GRID1: variants seen among roughly 807,000 people sequenced by gnomAD.
The protein encoded by GRID1 is glutamate receptor ionotropic, delta-1.
GRID1 carries 28 observed loss-of-function variants against 98.0 expected under a neutral mutation model. The observed-to-expected ratio is 0.29, with a 90% CI of 0.21 to 0.39. GRID1 has a LOEUF of 0.39. Among genes scored for constraint, GRID1 ranks in the 10% least tolerant of loss-of-function variants. The pLI, the probability that GRID1 is intolerant of heterozygous loss-of-function variation, is 1.00. For synonymous variants in GRID1, 553 were observed against 538.5 expected, an observed-to-expected ratio of 1.03 and a Z score of -0.37; for missense variants, 1,111 against 1,340.5, an observed-to-expected ratio of 0.83 and a Z score of 2.67.
At chr10:85,729,212 A>T (rs868278971) in intron 9 of GRID1, among the ~76,000 whole-genome samples, 1 of 152,102 alleles carries the variant, frequency 6.6e-6, no homozygotes. Context: ...TCCATTTTAC[A>T]TCCAAGAACA....
intron 4 of GRID1, among the ~76,000 whole-genome samples, chr10:86,091,837 GC>G (rs1391619781): frequency 6.6e-6 from 1 of 152,136 alleles, no homozygotes; most frequent in Non-Finnish European, 1.5e-5. Flanking sequence ...CCCAATACCA[GC>G]CCCGAGCCGG....
At chr10:85,603,216 T>A (rs1480516070) in intron 15 of GRID1, among the ~76,000 whole-genome samples, 2 of 152,246 alleles carry the variant, frequency 1.3e-5, no homozygotes, top group Non-Finnish European at 2.9e-5. Context: ...ACCATCAGTG[T>A]TAGAGGCAGC....
chr10:86,246,868 CTG>C (rs1315297962), intron 2 of GRID1, among the ~76,000 whole-genome samples: 1 of 152,256 alleles, frequency 6.6e-6, no homozygotes, highest in Non-Finnish European at 1.5e-5. Flanking sequence ...GTAACAATCA[CTG>C]TGATGACTGT....
At chr10:85,793,636 G>C (rs538316410) in intron 8 of GRID1, among the ~76,000 whole-genome samples, 1 of 152,112 alleles carries the variant, frequency 6.6e-6, no homozygotes, top group Admixed American at 6.5e-5. Context: ...TCTCTGCTAC[G>C]CTCACTGATA....
At chr10:86,208,947 C>A (rs1318898048) in intron 2 of GRID1, among the ~76,000 whole-genome samples, 1 of 152,096 alleles carries the variant, frequency 6.6e-6, no homozygotes, top group Non-Finnish European at 1.5e-5. Context: ...CTAAAAGATG[C>A]AAATAGATGA....
intron 2 of GRID1, among the ~76,000 whole-genome samples, chr10:86,243,416 T>C (rs144689213): frequency 3.3e-5 from 5 of 152,232 alleles, no homozygotes; most frequent in African/African-American, 9.6e-5. Context: ...CCTCATTCAT[T>C]GACATGGCCC....
At chr10:85,941,595 T>A (rs1841997983) in intron 4 of GRID1, among the ~76,000 whole-genome samples, 1 of 152,230 alleles carries the variant, frequency 6.6e-6, no homozygotes, top group Non-Finnish European at 1.5e-5. Context: ...TTTGCATTTT[T>A]ATTGCAAAAG....
At chr10:85,968,450 CAAA>C (rs56938729) in intron 4 of GRID1, among the ~76,000 whole-genome samples, 1 of 102,446 alleles carries the variant, frequency 9.8e-6, no homozygotes. Flanking sequence ...GACTCTGTCT[CAAA>C]AAAAAAAAAA....
intron 13 of GRID1, among the ~76,000 whole-genome samples, chr10:85,634,689 C>T (rs1458854358): frequency 6.6e-6 from 1 of 152,148 alleles, no homozygotes. Flanking sequence ...TCTTCATTTT[C>T]TCTTCCCTCT....
At chr10:86,357,386 G>C (rs925989187) in intron 2 of GRID1, among the ~76,000 whole-genome samples, 2 of 152,232 alleles carry the variant, frequency 1.3e-5, no homozygotes, top group African/African-American at 4.8e-5. Context: ...ATGACCCGTG[G>C]CCTCTCCCAC....
chr10:85,762,035 C>G (rs1037282647), intron 8 of GRID1, among the ~76,000 whole-genome samples: 2 of 152,196 alleles, frequency 1.3e-5, no homozygotes, highest in African/African-American at 2.4e-5. Context: ...CAAACATCTG[C>G]TGAGTGGGCC....
intron 4 of GRID1, among the ~76,000 whole-genome samples, chr10:86,103,847 G>A (rs1844338211): frequency 6.6e-6 from 1 of 152,130 alleles, no homozygotes; most frequent in African/African-American, 2.4e-5. Flanking sequence ...CCACTGTTGG[G>A]CTGAACCCTG....
chr10:85,901,305 G>A (rs555024818), intron 5 of GRID1, among the ~76,000 whole-genome samples: 90 of 151,434 alleles, frequency 5.9e-4, no homozygotes, highest in South Asian at 5.8e-3. Context: ...GAGTGCAGTG[G>A]CATGATCTTG....
intron 3 of GRID1, among the ~76,000 whole-genome samples, chr10:86,173,688 T>C (rs978248618): frequency 2.2e-4 from 33 of 151,806 alleles, no homozygotes; most frequent in African/African-American, 7.7e-4. Flanking sequence ...ACTCGTCATT[T>C]AGCATTAAGT....
chr10:85,879,522 C>A (rs1444904905), intron 5 of GRID1, among the ~76,000 whole-genome samples: 4 of 152,172 alleles, frequency 2.6e-5, no homozygotes, highest in Admixed American at 2.6e-4. Context: ...TGAATGACTA[C>A]TGGGGACATA....
intron 8 of GRID1, among the ~76,000 whole-genome samples, chr10:85,790,333 C>T (rs1842467084): frequency 1.3e-5 from 2 of 152,200 alleles, no homozygotes; most frequent in Non-Finnish European, 2.9e-5. Flanking sequence ...GCTGCCAAGC[C>T]CCAGCAGTTT....
intron 4 of GRID1, among the ~76,000 whole-genome samples, chr10:85,990,766 A>T (rs1842670321): frequency 6.6e-6 from 1 of 152,182 alleles, no homozygotes; most frequent in Non-Finnish European, 1.5e-5. Flanking sequence ...AGTTGAATGG[A>T]ACACCTTTGA....
At chr10:86,262,686 A>C (rs1000477583) in intron 2 of GRID1, among the ~76,000 whole-genome samples, 2 of 152,240 alleles carry the variant, frequency 1.3e-5, no homozygotes, top group African/African-American at 4.8e-5. Context: ...ACTTGCCTGA[A>C]GATCGCCCAG....
At chr10:86,043,010 G>A (rs1160714688) in intron 4 of GRID1, among the ~76,000 whole-genome samples, 1 of 152,098 alleles carries the variant, frequency 6.6e-6, no homozygotes, top group African/African-American at 2.4e-5. Context: ...CCTTGAGCCA[G>A]TGAGGTCAAG....
Sources: gnomAD v4.1 joint callset for allele counts (sites outside exome capture counted in the v4.1 genomes callset) on GRCh38, gnomAD v4.1.1 for gene constraint, MANE v1.5 for transcripts, NCBI Gene and HGNC (gene_info 2026-07-23, HGNC 2026-07-21) for gene names.